The following EIF4G3 variants were observed in gnomAD, a reference collection of about 807,000 sequenced individuals.
EIF4G3 encodes eukaryotic translation initiation factor 4 gamma 3.
Under a neutral mutation model 186.4 loss-of-function variants are expected in EIF4G3, and 34 were observed. The ratio of observed to expected loss-of-function variants is 0.18; its 90% CI spans 0.14 to 0.24. The LOEUF is 0.24. Ranked by LOEUF, EIF4G3 falls within the 10% of genes least tolerant of loss-of-function variation. EIF4G3 has a pLI of 1.00. For synonymous variants in EIF4G3, 673 were observed against 679.5 expected, an observed-to-expected ratio of 0.99 and a Z score of 0.15; for missense variants, 1,536 against 1,948.5, an observed-to-expected ratio of 0.79 and a Z score of 3.99.
intron 13 of EIF4G3, among the ~76,000 whole-genome samples, chr1:20,946,096 T>C (rs149586486): frequency 1.3e-5 from 2 of 152,188 alleles, no homozygotes; most frequent in South Asian, 4.1e-4. Context: ...GATGCTATTG[T>C]CATTTAATAA....
intron 2 of EIF4G3, among the ~76,000 whole-genome samples, chr1:21,138,461 G>A (rs2097284663): frequency 6.6e-6 from 1 of 152,176 alleles, no homozygotes; most frequent in African/African-American, 2.4e-5. Flanking sequence ...AACCAAGGAG[G>A]TTGTACATGT....
intron 2 of EIF4G3, among the ~76,000 whole-genome samples, chr1:21,148,815 C>T (rs1442483943): frequency 2.6e-5 from 4 of 150,954 alleles, no homozygotes; most frequent in Non-Finnish European, 5.9e-5. Flanking sequence ...CAGCAAGATC[C>T]TCATGTCAAA....
intron 12 of EIF4G3, among the ~76,000 whole-genome samples, chr1:20,951,453 G>C (rs1260076808): frequency 2.0e-5 from 3 of 151,936 alleles, no homozygotes; most frequent in Non-Finnish European, 2.9e-5. Context: ...TGTTTTCACG[G>C]GGACAAATAA....
chr1:20,952,852 AAAACAAGC>A (rs1212713879), intron 12 of EIF4G3, among the ~76,000 whole-genome samples: 1 of 130,086 alleles, frequency 7.7e-6, no homozygotes, highest in East Asian at 2.0e-4. Context: ...CTCCGTCTCG[AAAACAAGC>A]AAACAAACAA....
chr1:20,885,089 T>C (rs1254099152), intron 19 of EIF4G3, among the ~76,000 whole-genome samples: 2 of 152,182 alleles, frequency 1.3e-5, no homozygotes, highest in African/African-American at 4.8e-5. Context: ...GCCACTGATC[T>C]GACAGGAGGC....
At chr1:21,024,071 C>A (rs2091528424) in intron 4 of EIF4G3, among the ~76,000 whole-genome samples, 1 of 150,884 alleles carries the variant, frequency 6.6e-6, no homozygotes, top group Non-Finnish European at 1.5e-5. Context: ...GCAGCTGCCC[C>A]GTCTGAGAAG....
At chr1:21,176,134 C>G in intron 2 of EIF4G3, 41 bp downstream of exon 2, 1 of 351,826 alleles carries the variant, frequency 2.8e-6, no homozygotes. Flanking sequence ...TGGACTGCGA[C>G]GACGAGAACC....
In EIF4G3 at chr1:20,923,809, C is replaced by CTATATA. The variant is rs10587649; in HGVS notation, c.1663+17676_1663+17681dup. On this transcript the variant is annotated intron_variant, in intron 14 of 36. Transcript: ENST00000602326. ...CCTCCTCTCTTCACCTTACCCATCC[C>CTATATA]TATATATATATATATATATATATAT... Among the ~76,000 whole-genome samples the CTATATA allele has an allele frequency of 5.2e-3, 751 of 143,894 alleles. 4 individuals carry two copies. The highest frequency in any genetic ancestry group is 0.018 in the Middle Eastern group (5 of 282). The allele number at this position is 143,894 out of a possible 152,430, so 94.4% of individuals were successfully genotyped here. A position where few individuals can be genotyped will look rare whatever the true frequency, so the allele number is the denominator to read the frequency against.
At chr1:21,122,527 A>C (rs2096944064) in intron 2 of EIF4G3, among the ~76,000 whole-genome samples, 1 of 152,238 alleles carries the variant, frequency 6.6e-6, no homozygotes, top group Non-Finnish European at 1.5e-5. Flanking sequence ...TTGCAAATTT[A>C]AACCGGATGC....
In EIF4G3 at chr1:21,172,177, T is replaced by C. The variant is rs183204833; in HGVS notation, c.-272+3998A>G. On this transcript the variant is annotated intron_variant, in intron 2 of 36. Transcript: ENST00000602326. ...CTGAAATCCATTTATTAAAATTCTATGGAGCAGCAATGGAATTGGAAAAAG... is the reference window on the plus strand; with the variant it reads ...CTGAAATCCATTTATTAAAATTCTACGGAGCAGCAATGGAATTGGAAAAAG... Among the ~76,000 whole-genome samples the C allele has an allele frequency of 4.3e-4, 65 of 150,012 alleles. 1 individual carries two copies. Among genetic ancestry groups the C allele is most frequent in the African/African-American group, 1.4e-3 (56 of 40,830 alleles).
Position 20,813,258 on chromosome 1 carries a change from A to G in EIF4G3, c.4516-19T>C, listed in dbSNP as rs772820994. 6.3e-7 allele frequency: 1 copy of G among 1,591,704 alleles called. No homozygotes were observed. The highest frequency in any genetic ancestry group is 1.7e-5 in the Admixed American group (1 of 59,854). On this transcript the variant is annotated intron_variant, in intron 34 of 36. Transcript: ENST00000602326. Reference sequence around the variant, plus strand: ...GATTAGCCTGAAGTCAAAAAGAAATAAAACAATTAAAGATACCTTGCTCAG... The same window carrying G: ...GATTAGCCTGAAGTCAAAAAGAAATGAAACAATTAAAGATACCTTGCTCAG...
At chr1:20,907,275 C>A (rs922198720) in intron 14 of EIF4G3, among the ~76,000 whole-genome samples, 1 of 151,970 alleles carries the variant, frequency 6.6e-6, no homozygotes, top group Non-Finnish European at 1.5e-5. Flanking sequence ...CTGGACTCCC[C>A]CACCTAAGAA....
At position 21,040,079 on chromosome 1, in the gene EIF4G3, C is replaced by T. The variant is rs112406997; in HGVS notation, c.-67+10787G>A. On this transcript the variant is annotated intron_variant, in intron 4 of 36. Transcript: ENST00000602326. ...CTTCTAAAAACCTTAGAATCGCCAA[C>T]GTCTGTCTTTTTGTATGCTAATGTT... Among the ~76,000 whole-genome samples the T allele has an allele frequency of 1.6e-3, 240 of 152,306 alleles. 1 individual carries two copies. Among genetic ancestry groups the T allele is most frequent in the African/African-American group, 5.5e-3 (230 of 41,560 alleles).
At chr1:21,073,096 T>TA (rs771673376) in intron 3 of EIF4G3, among the ~76,000 whole-genome samples, 67 of 152,320 alleles carry the variant, frequency 4.4e-4, no homozygotes, top group Non-Finnish European at 8.5e-4. Context: ...GCCACTTAGC[T>TA]GCTCTTAACA....
At chr1:20,928,269 G>A (rs1454171324) in intron 14 of EIF4G3, among the ~76,000 whole-genome samples, 1 of 152,018 alleles carries the variant, frequency 6.6e-6, no homozygotes, top group African/African-American at 2.4e-5. Context: ...TATAATTTTT[G>A]GCTGTACACA....
chr1:20,897,621 A>G (rs1479266881), intron 16 of EIF4G3, among the ~76,000 whole-genome samples: 1 of 152,118 alleles, frequency 6.6e-6, no homozygotes, highest in Non-Finnish European at 1.5e-5. Flanking sequence ...TACATTAGAG[A>G]TTCCTAATGT....
intron 29 of EIF4G3, among the ~76,000 whole-genome samples, chr1:20,846,944 C>T (rs1158554900): frequency 2.0e-5 from 3 of 152,184 alleles, no homozygotes; most frequent in Admixed American, 6.5e-5. Context: ...ATTTGAATCA[C>T]TGTTAAAAAC....
rs542284785 is a variant in EIF4G3, at chr1:20,985,525, A to T, written c.178-3117T>A. On this transcript the variant is annotated intron_variant, in intron 7 of 36. Transcript: ENST00000602326. Reference sequence around the variant, plus strand: ...TAATGACTAGAAATGCAAAAAAAAAAAAAAATATATATCCTTTTTGTACTC... The same window carrying T: ...TAATGACTAGAAATGCAAAAAAAAATAAAAATATATATCCTTTTTGTACTC... Among the ~76,000 whole-genome samples the T allele has an allele frequency of 7.7e-3, 1,060 of 138,218 alleles. 15 individuals are homozygous for T. The highest frequency in any genetic ancestry group is 0.026 in the African/African-American group (1,015 of 39,550). 90.7% of individuals were successfully genotyped at this position (138,218 alleles called of 152,430 possible).
chr1:21,153,137 C>G (rs1167077847), intron 2 of EIF4G3, among the ~76,000 whole-genome samples: 1 of 152,192 alleles, frequency 6.6e-6, no homozygotes, highest in East Asian at 1.9e-4. Flanking sequence ...CCACAGTTCT[C>G]CTGAAGTGTA....
Sources: gnomAD v4.1 joint callset for allele counts (sites outside exome capture counted in the v4.1 genomes callset) on GRCh38, gnomAD v4.1.1 for gene constraint, MANE v1.5 for transcripts, NCBI Gene and HGNC (gene_info 2026-07-23, HGNC 2026-07-21) for gene names.